KIAA1217: variants seen among roughly 807,000 people sequenced by gnomAD.
The protein encoded by KIAA1217 is KIAA1217, also known as sickle tail protein homolog.
In KIAA1217, 88 loss-of-function variants were observed where a neutral mutation model predicts 163.9. The observed-to-expected ratio is 0.54, with a 90% CI of 0.45 to 0.64. KIAA1217 has a LOEUF of 0.64. KIAA1217 is among the 30% of genes least tolerant of loss of function. The pLI, the probability that KIAA1217 is intolerant of heterozygous loss-of-function variation, is 0.00. For missense variants in KIAA1217, 2,372 were observed against 2,475.0 expected, an observed-to-expected ratio of 0.96 and a Z score of 0.88; for synonymous variants, 903 against 923.1, an observed-to-expected ratio of 0.98 and a Z score of 0.39.
intron 1 of KIAA1217, among the ~76,000 whole-genome samples, chr10:23,834,170 G>A (rs1030135560): frequency 1.3e-5 from 2 of 152,010 alleles, no homozygotes; most frequent in South Asian, 4.2e-4. Context: ...TTTTTATTTT[G>A]TTTTATCTTT....
chr10:24,020,058 C>T (rs1040213599), intron 2 of KIAA1217, among the ~76,000 whole-genome samples: 1 of 152,002 alleles, frequency 6.6e-6, no homozygotes, highest in African/African-American at 2.4e-5. Flanking sequence ...ATTCTTTCCC[C>T]CAAAATTATG....
intron 2 of KIAA1217, among the ~76,000 whole-genome samples, chr10:24,202,384 A>T (rs1163874404): frequency 2.6e-5 from 4 of 152,138 alleles, no homozygotes; most frequent in Admixed American, 2.6e-4. Context: ...AGCAAAGCTC[A>T]GGGGAGAGAG....
intron 1 of KIAA1217, among the ~76,000 whole-genome samples, chr10:23,766,568 C>CTT (rs61095518): frequency 7.1e-6 from 1 of 141,544 alleles, no homozygotes. Flanking sequence ...TTTTTCTTTT[C>CTT]TTTTTTTTTT....
intron 1 of KIAA1217, among the ~76,000 whole-genome samples, chr10:23,970,654 C>A (rs1446434159): frequency 6.6e-6 from 1 of 152,162 alleles, no homozygotes; most frequent in Non-Finnish European, 1.5e-5. Context: ...TTTCCACACA[C>A]ACAAAAATGA....
At chr10:24,418,871 T>C (rs1228026397) in intron 3 of KIAA1217, among the ~76,000 whole-genome samples, 1 of 152,150 alleles carries the variant, frequency 6.6e-6, no homozygotes, top group Non-Finnish European at 1.5e-5. Flanking sequence ...TTTACATTTT[T>C]GTTCTTATCT....
At chr10:23,765,178 T>C (rs1834446748) in intron 1 of KIAA1217, among the ~76,000 whole-genome samples, 1 of 145,502 alleles carries the variant, frequency 6.9e-6, no homozygotes, top group African/African-American at 2.6e-5. Flanking sequence ...GTTTTCCCTT[T>C]TTTGTTCTCT....
At chr10:23,938,273 GC>G (rs1455241807) in intron 1 of KIAA1217, among the ~76,000 whole-genome samples, 4 of 150,608 alleles carry the variant, frequency 2.7e-5, no homozygotes, top group African/African-American at 1.0e-4. Context: ...TGGGTATTGA[GC>G]CAGGCAAAGT....
intron 1 of KIAA1217, among the ~76,000 whole-genome samples, chr10:23,981,055 C>T (rs981530432): frequency 2.0e-5 from 3 of 152,064 alleles, no homozygotes; most frequent in African/African-American, 4.8e-5. Flanking sequence ...AAAATAAAAC[C>T]GTATTTGCAC....
rs531160161 is a variant in KIAA1217, at chr10:23,946,854, T to A, written c.-320-60371T>A. 4.6e-5 allele frequency among the ~76,000 whole-genome samples: 7 copies of A among 152,288 alleles called. No individual in the cohort carries two copies. In the South Asian group the frequency reaches 1.5e-3, roughly 32 times the overall value. On this transcript the variant is annotated intron_variant, in intron 1 of 18. Transcript: ENST00000376462. ...TACTATATGACATGGTTTTGCTGTG[T>A]CCCCACCCAAATCTCATCTTGAATT...
At chr10:23,986,218 C>A (rs1050261152) in intron 1 of KIAA1217, among the ~76,000 whole-genome samples, 1 of 152,182 alleles carries the variant, frequency 6.6e-6, no homozygotes, top group African/African-American at 2.4e-5. Context: ...GGACAGGGAC[C>A]TTTCAGGTCC....
intron 5 of KIAA1217, among the ~76,000 whole-genome samples, chr10:24,465,066 CCCCTT>C (rs1348229378): frequency 6.6e-6 from 1 of 152,182 alleles, no homozygotes; most frequent in Non-Finnish European, 1.5e-5. Flanking sequence ...CTCCTCCATC[CCCCTT>C]CCTGGAAAGT....
At chr10:23,854,922 T>C (rs1427212427) in intron 1 of KIAA1217, among the ~76,000 whole-genome samples, 2 of 152,234 alleles carry the variant, frequency 1.3e-5, no homozygotes, top group African/African-American at 4.8e-5. Flanking sequence ...GCACATGAGA[T>C]AGGTTTCCTG....
intron 2 of KIAA1217, among the ~76,000 whole-genome samples, chr10:24,285,652 C>G (rs994552804): frequency 2.6e-5 from 4 of 152,070 alleles, no homozygotes; most frequent in Admixed American, 6.6e-5. Flanking sequence ...TATGTTTGTT[C>G]TTTTTGTTTA....
At chr10:23,888,981 A>C (rs139433576) in intron 1 of KIAA1217, among the ~76,000 whole-genome samples, 4 of 151,856 alleles carry the variant, frequency 2.6e-5, no homozygotes, top group African/African-American at 9.7e-5. Context: ...TTTGCTCTGC[A>C]TTATGTTTTT....
At chr10:24,185,681 G>C (rs2131963486) in intron 2 of KIAA1217, among the ~76,000 whole-genome samples, 1 of 152,244 alleles carries the variant, frequency 6.6e-6, no homozygotes, top group East Asian at 1.9e-4. Context: ...CCTAATTGCA[G>C]CTACTCGGGA....
chr10:24,422,935 C>T (rs1429811367), intron 3 of KIAA1217, among the ~76,000 whole-genome samples: 55 of 123,666 alleles, frequency 4.4e-4, no homozygotes, highest in Middle Eastern at 4.3e-3. Context: ...GACAGAGTCT[C>T]GCTCTATTGC....
At chr10:24,466,492 G>A in intron 5 of KIAA1217, 1 of 984,578 alleles carries the variant, frequency 1.0e-6, no homozygotes, top group Non-Finnish European at 1.2e-6. Flanking sequence ...CCAAGGGGAG[G>A]AGAAATTGAC....
intron 2 of KIAA1217, among the ~76,000 whole-genome samples, chr10:24,183,932 C>T (rs73604456): frequency 0.043 from 6,510 of 152,246 alleles, 483 homozygotes; most frequent in African/African-American, 0.15. Flanking sequence ...CCCTCAAATA[C>T]ATTTCTTACA....
At chr10:24,184,059 G>A (rs1185232449) in intron 2 of KIAA1217, among the ~76,000 whole-genome samples, 4 of 152,178 alleles carry the variant, frequency 2.6e-5, no homozygotes, top group African/African-American at 9.7e-5. Context: ...ACCATCTATA[G>A]TAGGACAGCT....
Sources: allele counts gnomAD v4.1 joint callset (sites outside exome capture counted in the v4.1 genomes callset), GRCh38; gene constraint gnomAD v4.1.1; transcripts MANE v1.5; gene names NCBI Gene and HGNC (gene_info 2026-07-23, HGNC 2026-07-21).